EFEMP1: variants seen among roughly 807,000 people sequenced by gnomAD.
EFEMP1 encodes the protein EGF-like fibulin extracellular matrix protein 1, also known as EGF-containing fibulin-like extracellular matrix protein 1.
A neutral mutation model predicts 65.7 loss-of-function variants in EFEMP1; 18 were observed. The ratio of observed to expected loss-of-function variants is 0.27; its 90% confidence interval spans 0.19 to 0.41. The LOEUF (loss-of-function observed/expected upper bound fraction) is 0.41. Among genes scored for constraint, EFEMP1 ranks in the 10% least tolerant of loss-of-function variants. The pLI, the probability that EFEMP1 is intolerant of heterozygous loss-of-function variation, is 1.00. For synonymous variants in EFEMP1, 237 were observed against 219.7 expected (o/e 1.08, Z -0.70); for missense variants, 469 against 624.8 (o/e 0.75, Z 2.66).
chr2:55,898,218 C>T (rs1452410363), intron 5 of EFEMP1, among the ~76,000 whole-genome samples: 1 of 152,112 alleles, frequency 6.6e-6, no homozygotes, highest in African/African-American at 2.4e-5. Context: ...GGTGAAATTA[C>T]ACCATCTTGT....
At chr2:55,920,197 C>A (rs1295405026) in intron 3 of EFEMP1, among the ~76,000 whole-genome samples, 1 of 152,200 alleles carries the variant, frequency 6.6e-6, no homozygotes, top group Non-Finnish European at 1.5e-5. Context: ...CTTTCTAGAT[C>A]AATCCAACCA....
At chr2:55,875,657 G>A (rs1217255245) in intron 8 of EFEMP1, among the ~76,000 whole-genome samples, 1 of 152,036 alleles carries the variant, frequency 6.6e-6, no homozygotes, top group African/African-American at 2.4e-5. Context: ...TTTGGACTCT[G>A]CAGACCCATC....
rs1262945386 is a variant in EFEMP1, at chr2:55,873,636, G to A, written c.1000+1310C>T. On this transcript the variant is annotated intron_variant, in intron 9 of 11. Coordinates refer to ENST00000355426, the MANE Select transcript of EFEMP1 (RefSeq NM_001039348.3). The surrounding 1 kb of genome is among the most constrained non-coding windows in gnomAD (Gnocchi z 4.6). ...GTAAGTAAAATCATTGGAATGCAAT[G>A]TTTTCCCATAATTAACATTTATAAA... Among the ~76,000 whole-genome samples, 2 of 151,972 alleles carry A rather than the reference G, an allele frequency of 1.3e-5. No homozygotes were observed. The highest frequency in any genetic ancestry group is 4.8e-5 in the African/African-American group (2 of 41,404).
chr2:55,876,800 A>G, intron 7 of EFEMP1, 58 bp from the exon 8 acceptor site: 1 of 1,044,122 alleles, frequency 9.6e-7, no homozygotes. Flanking sequence ...ACACACATAT[A>G]TATATAGACT....
intron 5 of EFEMP1, among the ~76,000 whole-genome samples, chr2:55,895,903 T>G (rs1381043730): frequency 6.6e-6 from 1 of 152,168 alleles, no homozygotes; most frequent in Non-Finnish European, 1.5e-5. Flanking sequence ...CTCTACTGAC[T>G]TGGGGCAATG....
At chr2:55,909,067 G>A (rs555664627) in intron 5 of EFEMP1, among the ~76,000 whole-genome samples, 19 of 152,254 alleles carry the variant, frequency 1.2e-4, no homozygotes, top group Non-Finnish European at 2.6e-4. Context: ...AGACCTCCAT[G>A]TTAAAAGGGA....
intron 5 of EFEMP1, among the ~76,000 whole-genome samples, chr2:55,894,983 A>G (rs1189937404): frequency 6.6e-6 from 1 of 152,136 alleles, no homozygotes; most frequent in Non-Finnish European, 1.5e-5. Context: ...CCCTGAGACC[A>G]TTCTTCCAAC....
At chr2:55,888,059 G>C (rs1180759267) in intron 5 of EFEMP1, among the ~76,000 whole-genome samples, 2 of 152,142 alleles carry the variant, frequency 1.3e-5, no homozygotes, top group African/African-American at 4.8e-5. Flanking sequence ...ACCAACTAAT[G>C]CATGTGAACG....
rs1028568364 is a variant in EFEMP1 at position 55,917,230 on chromosome 2, C to T, written c.517+435G>A. Among the ~76,000 whole-genome samples the T allele has an allele frequency of 1.3e-5, 2 of 152,134 alleles. No individual in the cohort carries two copies. Among genetic ancestry groups the T allele is most frequent in the Non-Finnish European group, 2.9e-5 (2 of 68,024 alleles). On this transcript the variant is annotated intron_variant, in intron 5 of 11. Transcript: ENST00000355426. The surrounding 1 kb of genome is among the most constrained non-coding windows in gnomAD (Gnocchi z 6.3). ...ACTTTTGCCAGCTGTGACTTTGGCA[C>T]CCGCCTTCCTGGGTTGGAAGGTCAG...
chr2:55,882,050 C>A (rs1669261905), intron 5 of EFEMP1, among the ~76,000 whole-genome samples: 1 of 152,146 alleles, frequency 6.6e-6, no homozygotes, highest in Non-Finnish European at 1.5e-5. Context: ...TCAGCTACCA[C>A]TGTCTCGGTA....
chr2:55,913,206 C>G (rs1670547674), intron 5 of EFEMP1, among the ~76,000 whole-genome samples: 1 of 152,166 alleles, frequency 6.6e-6, no homozygotes, highest in Admixed American at 6.5e-5. Context: ...GCTAGGGGCT[C>G]AACCATCCTA....
At chr2:55,907,275 G>A (rs1670317875) in intron 5 of EFEMP1, among the ~76,000 whole-genome samples, 1 of 152,198 alleles carries the variant, frequency 6.6e-6, no homozygotes, top group South Asian at 2.1e-4. Context: ...GTATAGGCAT[G>A]TACTTGAATA....
In EFEMP1 at chr2:55,922,847, G is replaced by A; in HGVS notation, c.-8+52C>T. 8.7e-7 allele frequency: 1 copy of A among 1,151,912 alleles called. No individual in the cohort carries two copies. The highest frequency in any genetic ancestry group is 1.8e-5 in the South Asian group (1 of 54,826). 71.4% of individuals were successfully genotyped at this position (1,151,912 alleles called of 1,614,324 possible). A position where few individuals can be genotyped will look rare whatever the true frequency, so the allele number is the denominator to read the frequency against. Reference sequence around the variant, plus strand: ...TCCCACACCCCGGGGGATGGAGGTGGGGCTGCAAAACTCTGTTCTCTAGAA... The same window carrying A: ...TCCCACACCCCGGGGGATGGAGGTGAGGCTGCAAAACTCTGTTCTCTAGAA... On this transcript the variant is annotated intron_variant, in intron 2 of 11. Transcript: ENST00000355426. This position sits in a 1 kb window ranked among gnomAD's most constrained non-coding sequence, Gnocchi z 5.5.
chr2:55,869,619 C>G lies in EFEMP1; in HGVS notation c.1320+1101G>C, dbSNP rs187329797. 4.4e-3 allele frequency among the ~76,000 whole-genome samples: 667 copies of G among 152,070 alleles called. 2 individuals are homozygous for G. The highest frequency in any genetic ancestry group is 5.6e-3 in the Admixed American group (86 of 15,272). On this transcript the variant is annotated intron_variant, in intron 11 of 11. Coordinates refer to ENST00000355426, the MANE Select transcript of EFEMP1 (RefSeq NM_001039348.3). ...TCAAAAAACAGGATAAATGGGTAAA[C>G]ATTAAAAATCTGTAAACTGTACCAC...
Position 55,873,468 on chromosome 2 carries a change from C to T in EFEMP1, c.1000+1478G>A, listed in dbSNP as rs1205958580. ...CCACCGTGCATTAATCTGCTTCTGT[C>T]TTTTGCTGAGCATCAAATCAATTTT... On this transcript the variant is annotated intron_variant, in intron 9 of 11. Transcript: ENST00000355426. The surrounding 1 kb of genome is among the most constrained non-coding windows in gnomAD (Gnocchi z 4.6). Among the ~76,000 whole-genome samples the T allele has an allele frequency of 6.6e-6, 1 of 151,980 alleles. No individual in the cohort carries two copies. Among genetic ancestry groups the T allele is most frequent in the East Asian group, 1.9e-4 (1 of 5,188 alleles).
chr2:55,872,050 T>C (rs538949170), intron 9 of EFEMP1, among the ~76,000 whole-genome samples: 9 of 151,958 alleles, frequency 5.9e-5, no homozygotes, highest in Non-Finnish European at 1.2e-4. Context: ...ACAGTTTTAC[T>C]AGAGAGCCAT....
intron 5 of EFEMP1, among the ~76,000 whole-genome samples, chr2:55,905,124 C>T (rs1238120904): frequency 6.6e-6 from 1 of 151,816 alleles, no homozygotes; most frequent in East Asian, 1.9e-4. Flanking sequence ...CTTTTCCTAT[C>T]TTCTCAGCCT....
chr2:55,872,406 TGAGG>T (rs1668844815), intron 9 of EFEMP1, among the ~76,000 whole-genome samples: 2 of 152,144 alleles, frequency 1.3e-5, no homozygotes, highest in Admixed American at 1.3e-4. Context: ...GTAAACTCCT[TGAGG>T]GCAAGGGTTA....
At chr2:55,887,955 C>T (rs925740160) in intron 5 of EFEMP1, among the ~76,000 whole-genome samples, 4 of 152,130 alleles carry the variant, frequency 2.6e-5, no homozygotes, top group Non-Finnish European at 5.9e-5. Flanking sequence ...TGCAAATGGA[C>T]CCCCCTCACG....
Sources: allele counts gnomAD v4.1 joint callset (sites outside exome capture counted in the v4.1 genomes callset), GRCh38; gene constraint gnomAD v4.1.1; non-coding constraint Gnocchi (gnomAD v3.1); transcripts MANE v1.5; gene names NCBI Gene and HGNC (gene_info 2026-07-23, HGNC 2026-07-21).